Variants in CTNND2 observed in about 807,000 individuals in gnomAD.
CTNND2 encodes catenin delta 2.
In CTNND2, 22 loss-of-function variants were observed where a neutral mutation model predicts 144.4. The observed-to-expected ratio is 0.15, with a 90% CI of 0.11 to 0.22. CTNND2 has a LOEUF of 0.22. CTNND2 is among the 10% of genes least tolerant of loss of function. The pLI, the probability that CTNND2 is intolerant of heterozygous loss-of-function variation, is 1.00. For missense variants in CTNND2, 1,353 were observed against 1,618.8 expected (o/e 0.84, Z 2.82); for synonymous variants, 751 against 695.6 (o/e 1.08, Z -1.25).
chr5:11,296,546 C>T (rs1313173830), intron 9 of CTNND2, among the ~76,000 whole-genome samples: 8 of 152,060 alleles, frequency 5.3e-5, no homozygotes, highest in Non-Finnish European at 1.0e-4. Context: ...ATGTTTACTG[C>T]GGCACTATTC....
chr5:11,069,558 T>C (rs534722991), intron 16 of CTNND2, among the ~76,000 whole-genome samples: 1 of 152,192 alleles, frequency 6.6e-6, no homozygotes, highest in South Asian at 2.1e-4. Context: ...AGACAGTGGA[T>C]GTAAAATTAT....
At chr5:11,397,887 A>T (rs1381596291) in intron 5 of CTNND2, among the ~76,000 whole-genome samples, 4 of 152,182 alleles carry the variant, frequency 2.6e-5, no homozygotes, top group Non-Finnish European at 5.9e-5. Flanking sequence ...TTCTGGTCTT[A>T]CTTAATTATA....
chr5:11,822,834 TG>T (rs1793388430), intron 1 of CTNND2, among the ~76,000 whole-genome samples: 1 of 152,134 alleles, frequency 6.6e-6, no homozygotes, highest in Non-Finnish European at 1.5e-5. Flanking sequence ...TCCCTACGCA[TG>T]TTTTCAGATG....
rs61751762 is a variant in CTNND2 at position 11,214,283 on chromosome 5, T to C, written c.1762-14622A>G. On this transcript the variant is annotated intron_variant, in intron 10 of 21. Coordinates refer to ENST00000304623, the MANE Select transcript of CTNND2 (RefSeq NM_001332.4). ...GCATGAAATGTCAGGTTTATAAAAA[T>C]CAAGTTTCTTTGTTCTCTGTTTTAT... 8.1e-3 allele frequency among the ~76,000 whole-genome samples: 1,233 copies of C among 152,344 alleles called. 18 individuals are homozygous for C. Among genetic ancestry groups the C allele is most frequent in the African/African-American group, 0.028 (1,154 of 41,590 alleles).
intron 1 of CTNND2, among the ~76,000 whole-genome samples, chr5:11,895,672 AT>A (rs1240260321): frequency 6.7e-6 from 1 of 148,580 alleles, no homozygotes; most frequent in Non-Finnish European, 1.5e-5. Flanking sequence ...TGCTCCCAAA[AT>A]AGGAACCAAT....
chr5:11,340,912 C>G (rs1754200692), intron 9 of CTNND2, among the ~76,000 whole-genome samples: 2 of 152,204 alleles, frequency 1.3e-5, no homozygotes, highest in African/African-American at 4.8e-5. Flanking sequence ...ATATTCAACA[C>G]TGAGCATGGA....
At chr5:11,311,918 A>C in intron 9 of CTNND2, among the ~76,000 whole-genome samples, 1 of 132,216 alleles carries the variant, frequency 7.6e-6, no homozygotes, top group African/African-American at 2.9e-5. Context: ...CTCCACATAC[A>C]TCCTCGCCCC....
intron 2 of CTNND2, among the ~76,000 whole-genome samples, chr5:11,635,486 A>C (rs1781637452): frequency 6.6e-6 from 1 of 152,146 alleles, no homozygotes; most frequent in African/African-American, 2.4e-5. Context: ...GAACATTGAT[A>C]ATTTCTGAAG....
intron 2 of CTNND2, among the ~76,000 whole-genome samples, chr5:11,635,374 G>A (rs1419409871): frequency 6.6e-6 from 1 of 152,026 alleles, no homozygotes; most frequent in East Asian, 1.9e-4. Context: ...AAAAAAGAGT[G>A]GAAGCTTAAA....
chr5:11,036,269 C>A (rs1304170141), intron 16 of CTNND2, among the ~76,000 whole-genome samples: 1 of 152,074 alleles, frequency 6.6e-6, no homozygotes, highest in East Asian at 1.9e-4. Context: ...CTAATAACTT[C>A]TTTAACCGTT....
intron 3 of CTNND2, among the ~76,000 whole-genome samples, chr5:11,425,670 T>C (rs1009409515): frequency 6.6e-6 from 1 of 152,208 alleles, no homozygotes; most frequent in African/African-American, 2.4e-5. Flanking sequence ...TTGGGATTAT[T>C]TACACCAATC....
intron 9 of CTNND2, among the ~76,000 whole-genome samples, chr5:11,286,943 C>A (rs1277956934): frequency 1.3e-5 from 2 of 152,186 alleles, no homozygotes; most frequent in Non-Finnish European, 2.9e-5. Flanking sequence ...AATCAGAGAA[C>A]AGATGAATGC....
chr5:11,433,500 C>T (rs906538698), intron 3 of CTNND2, among the ~76,000 whole-genome samples: 2 of 152,102 alleles, frequency 1.3e-5, no homozygotes, highest in African/African-American at 4.8e-5. Flanking sequence ...ATTTAATTGG[C>T]TCATGGTTCT....
Position 11,072,028 on chromosome 5 carries a change from A to G in CTNND2, c.2788+10668T>C, listed in dbSNP as rs568509009. 9.8e-5 allele frequency among the ~76,000 whole-genome samples: 15 copies of G among 152,332 alleles called. No individual in the cohort carries two copies. The South Asian group carries it at 2.1e-3, about 21-fold the overall frequency. ...AACCTAGTGAGTTTCTAACATTTTA[A>G]GAGGAATAAGGTCACTCCCATAGAC... is the stretch of plus-strand genomic sequence containing the variant. On this transcript the variant is annotated intron_variant, in intron 16 of 21. Transcript: ENST00000304623.
intron 21 of CTNND2, among the ~76,000 whole-genome samples, chr5:10,976,688 A>G (rs1339580837): frequency 6.6e-6 from 1 of 152,216 alleles, no homozygotes; most frequent in Non-Finnish European, 1.5e-5. Flanking sequence ...ATTATGAAGG[A>G]TAGTGTCATG....
intron 10 of CTNND2, among the ~76,000 whole-genome samples, chr5:11,204,245 G>C (rs1450560359): frequency 6.6e-6 from 1 of 152,140 alleles, no homozygotes. Context: ...TTACAGTGAG[G>C]GCATTCTTGA....
At chr5:11,605,703 A>G (rs1203046824) in intron 2 of CTNND2, among the ~76,000 whole-genome samples, 1 of 152,168 alleles carries the variant, frequency 6.6e-6, no homozygotes, top group Non-Finnish European at 1.5e-5. Flanking sequence ...GGGAACAGTG[A>G]GGAGTCTTTT....
chr5:11,038,146 C>T (rs1744278371), intron 16 of CTNND2, among the ~76,000 whole-genome samples: 1 of 152,180 alleles, frequency 6.6e-6, no homozygotes, highest in African/African-American at 2.4e-5. Context: ...AATGCCTACA[C>T]CATCCTCCCA....
At chr5:11,880,948 A>G (rs1261864713) in intron 1 of CTNND2, among the ~76,000 whole-genome samples, 1 of 147,680 alleles carries the variant, frequency 6.8e-6, no homozygotes, top group East Asian at 2.0e-4. Flanking sequence ...TACTAATACT[A>G]CTACTACTAC....
Sources: gnomAD v4.1 joint callset for allele counts (sites outside exome capture counted in the v4.1 genomes callset) on GRCh38, gnomAD v4.1.1 for gene constraint, MANE v1.5 for transcripts, NCBI Gene and HGNC (gene_info 2026-07-23, HGNC 2026-07-21) for gene names.